The following UPF1 variants were observed in gnomAD, a reference collection of about 807,000 sequenced individuals.
UPF1 encodes UPF1 RNA helicase and ATPase.
In UPF1, 9 loss-of-function variants were observed where a neutral mutation model predicts 129.2. The ratio of observed to expected loss-of-function variants is 0.07; its 90% CI spans 0.04 to 0.12. The LOEUF is 0.12. UPF1 is among the 10% of genes least tolerant of loss of function. UPF1 has a pLI of 1.00. For missense variants in UPF1, 788 were observed against 1,525.3 expected, an observed-to-expected ratio of 0.52 and a Z score of 8.05; for synonymous variants, 649 against 644.9, an observed-to-expected ratio of 1.01 and a Z score of -0.10.
chr19:18,864,783 A>C, intron 20 of UPF1, among the ~76,000 whole-genome samples: 1 of 118,204 alleles, frequency 8.5e-6, no homozygotes, highest in East Asian at 2.7e-4. Context: ...TCTGTTGCCC[A>C]AGCTGGAGTA....
chr19:18,857,400 G>T lies in UPF1; in HGVS notation c.2049G>T (p.Ser683=). The T allele has an allele frequency of 1.9e-6, 3 of 1,613,522 alleles. No individual in the cohort carries two copies. The highest frequency in any genetic ancestry group is 2.5e-6 in the Non-Finnish European group (3 of 1,180,022). ...CGGCCAAGGCCGGGCTGTCACAGTC[G>T]CTCTTCGAGCGCCTGGTGGTGCTGG... ...KKAAKAGLSQ[S]LFERLVVLGI... The change falls in exon 15 of 24, where the codon TCG becomes TCT. Residue 683 remains serine, a synonymous_variant. Transcript: ENST00000262803.
At chr19:18,844,387 G>A (rs867653425) in intron 1 of UPF1, among the ~76,000 whole-genome samples, 1 of 151,590 alleles carries the variant, frequency 6.6e-6, no homozygotes, top group Non-Finnish European at 1.5e-5. Context: ...GCAGTGGCAC[G>A]GTCTCAGCTC....
chr19:18,837,909 T>G (rs2055500462), intron 1 of UPF1, among the ~76,000 whole-genome samples: 1 of 152,246 alleles, frequency 6.6e-6, no homozygotes, highest in Admixed American at 6.5e-5. Flanking sequence ...CTAAAGCTCC[T>G]AGCCGACCTG....
intron 1 of UPF1, among the ~76,000 whole-genome samples, chr19:18,841,452 C>T (rs896987227): frequency 1.3e-5 from 2 of 152,206 alleles, no homozygotes; most frequent in South Asian, 4.1e-4. Flanking sequence ...TGGCTTTTCA[C>T]GATTGTCCGA....
intron 1 of UPF1, among the ~76,000 whole-genome samples, chr19:18,839,286 G>T (rs922107746): frequency 7.2e-5 from 11 of 152,136 alleles, no homozygotes. Context: ...TAGAGACGGG[G>T]TTTCACCATG....
intron 1 of UPF1, among the ~76,000 whole-genome samples, chr19:18,844,205 C>T (rs955735835): frequency 7.0e-6 from 1 of 142,472 alleles, no homozygotes; most frequent in Non-Finnish European, 1.5e-5. Context: ...GCTCTGGGGC[C>T]TCGTGTATGA....
At chr19:18,841,098 G>C (rs200848977) in intron 1 of UPF1, among the ~76,000 whole-genome samples, 6 of 152,238 alleles carry the variant, frequency 3.9e-5, no homozygotes. Flanking sequence ...TTTTCAGTAC[G>C]GGGATCCATG....
At chr19:18,835,931 C>T (rs185390917) in intron 1 of UPF1, among the ~76,000 whole-genome samples, 37 of 152,284 alleles carry the variant, frequency 2.4e-4, no homozygotes, top group Admixed American at 1.0e-3. Flanking sequence ...ACTGGTTTTG[C>T]GCAGTTGGTT....
rs1201049539 is a variant in UPF1 at position 18,832,018 on chromosome 19, GC to G, written c.-191del. 7.9e-5 allele frequency: 30 copies of G among 379,632 alleles called. No homozygotes were observed. In the South Asian group the frequency reaches 1.5e-3, roughly 18 times the overall value. 23.5% of individuals were successfully genotyped at this position (379,632 alleles called of 1,614,324 possible). A position where few individuals can be genotyped will look rare whatever the true frequency, so the allele number is the denominator to read the frequency against. Reference sequence around the variant, plus strand: ...TCGAGGGGAGCTGAGGCGCGGAGGGGCTCGGCGGCAGCGGCGGCGGCTCGGC... The same window carrying G: ...TCGAGGGGAGCTGAGGCGCGGAGGGGTCGGCGGCAGCGGCGGCGGCTCGGC... On this transcript the variant is annotated 5_prime_UTR_variant, in exon 1 of 24. Transcript: ENST00000262803. The surrounding 1 kb of genome is among the most constrained non-coding windows in gnomAD (Gnocchi z 5.6).
In UPF1 at chr19:18,862,120, C is replaced by T. The variant is rs1049816481; in HGVS notation, c.2568C>T (p.Pro856=). 2 of 1,614,016 alleles carry T rather than the reference C, an allele frequency of 1.2e-6. No homozygotes were observed. Among genetic ancestry groups the T allele is most frequent in the Non-Finnish European group, 1.7e-6 (2 of 1,180,044 alleles). ...AAGGCATTGGCTTTTTAAATGACCC[C>T]AGGCGTCTGAACGTGGCCCTGACCA... The part of the protein sequence containing the change: ...EHQGIGFLND[P]RRLNVALTRA... Residue 856 remains proline (P), a synonymous_variant, in exon 18 of 24, where the codon CCC becomes CCT. Coordinates refer to ENST00000262803, the MANE Select transcript of UPF1 (RefSeq NM_002911.4).
rs2055661404 is a variant in UPF1, at chr19:18,851,797, G to C, written c.811-338G>C. On this transcript the variant is annotated intron_variant, in intron 5 of 23. Coordinates refer to ENST00000262803, the MANE Select transcript of UPF1 (RefSeq NM_002911.4). The surrounding 1 kb of genome is among the most constrained non-coding windows in gnomAD (Gnocchi z 4.2). ...TGGGCATACTTGGAGGAAGCAGCTG[G>C]CTCTGAAGGTGCCCTCTGCTGTGGA... is the stretch of plus-strand genomic sequence containing the variant. 6.6e-6 allele frequency among the ~76,000 whole-genome samples: 1 copy of C among 152,274 alleles called. No homozygotes were observed. The highest frequency in any genetic ancestry group is 1.5e-5 in the Non-Finnish European group (1 of 68,052).
intron 1 of UPF1, among the ~76,000 whole-genome samples, chr19:18,839,530 T>A (rs1021870950): frequency 6.6e-6 from 1 of 152,214 alleles, no homozygotes; most frequent in African/African-American, 2.4e-5. Context: ...GACCCTGTGC[T>A]CATGCCCAAG....
chr19:18,838,761 T>A (rs577156680), intron 1 of UPF1, among the ~76,000 whole-genome samples: 1 of 152,144 alleles, frequency 6.6e-6, no homozygotes, highest in Admixed American at 6.5e-5. Flanking sequence ...CCTGGAGGAG[T>A]GTTGGCAAGT....
At chr19:18,834,408 G>C (rs935206679) in intron 1 of UPF1, among the ~76,000 whole-genome samples, 3 of 152,142 alleles carry the variant, frequency 2.0e-5, no homozygotes, top group African/African-American at 7.2e-5. Flanking sequence ...ATTCCGTTTG[G>C]GATTAATTGT....
chr19:18,834,170 C>T (rs995075130), intron 1 of UPF1, among the ~76,000 whole-genome samples: 2 of 152,076 alleles, frequency 1.3e-5, no homozygotes, highest in Non-Finnish European at 2.9e-5. Context: ...TAAAGGAAAC[C>T]TAGATCCATG....
chr19:18,834,636 G>A (rs954129964), intron 1 of UPF1, among the ~76,000 whole-genome samples: 3 of 152,186 alleles, frequency 2.0e-5, no homozygotes, highest in Non-Finnish European at 4.4e-5. Flanking sequence ...GGATTTGTTT[G>A]TGGGGAATGG....
At chr19:18,843,791 G>T (rs1344282538) in intron 1 of UPF1, among the ~76,000 whole-genome samples, 1 of 151,438 alleles carries the variant, frequency 6.6e-6, no homozygotes. Context: ...TGTTGCTCAG[G>T]CTAAAGTTCA....
At chr19:18,843,142 T>G (rs1195038866) in intron 1 of UPF1, among the ~76,000 whole-genome samples, 2 of 152,202 alleles carry the variant, frequency 1.3e-5, no homozygotes, top group Non-Finnish European at 2.9e-5. Flanking sequence ...CTCTTTTATT[T>G]AAGCCTTGGA....
rs559301786 is a variant in UPF1, at chr19:18,867,918, T to G, written c.*1401T>G. 1.3e-5 allele frequency: 2 copies of G among 152,670 alleles called. No individual in the cohort carries two copies. The highest frequency in any genetic ancestry group is 4.8e-5 in the African/African-American group (2 of 41,458). 9.5% of individuals were successfully genotyped at this position (152,670 alleles called of 1,614,324 possible). A position where few individuals can be genotyped will look rare whatever the true frequency, so the allele number is the denominator to read the frequency against. ...GACGGGGACGCACAGGCCACCTTCC[T>G]TCTGGCAGGGACTCTTATTTATTCC... On this transcript the variant is annotated 3_prime_UTR_variant, in exon 24 of 24. Coordinates refer to ENST00000262803, the MANE Select transcript of UPF1 (RefSeq NM_002911.4).
Sources: allele counts gnomAD v4.1 joint callset (sites outside exome capture counted in the v4.1 genomes callset), GRCh38; gene constraint gnomAD v4.1.1; non-coding constraint Gnocchi (gnomAD v3.1); transcripts MANE v1.5; gene names NCBI Gene and HGNC (gene_info 2026-07-23, HGNC 2026-07-21).